FAM107B: variants seen among roughly 807,000 people sequenced by gnomAD.
FAM107B encodes the protein family with sequence similarity 107 member B.
Under a neutral mutation model 31.5 loss-of-function variants are expected in FAM107B, and 21 were observed. The observed-to-expected ratio is 0.67, with a 90% CI of 0.47 to 0.96. FAM107B has a LOEUF of 0.96. Among genes scored for constraint, FAM107B ranks in the 40% least tolerant of loss-of-function variants. FAM107B has a pLI of 0.00. For synonymous variants in FAM107B, 157 were observed against 141.5 expected, an observed-to-expected ratio of 1.11 and a Z score of -0.78; for missense variants, 452 against 377.1, an observed-to-expected ratio of 1.20 and a Z score of -1.64.
rs1294969542 is a variant in FAM107B, at chr10:14,671,872, TA to T, written c.412-4182del. 7.4e-3 allele frequency among the ~76,000 whole-genome samples: 248 copies of T among 33,570 alleles called. 5 individuals carry two copies. In the East Asian group the frequency reaches 0.14, roughly 19 times the overall value. The allele number at this position is 33,570 out of a possible 152,430, so 22.0% of individuals were successfully genotyped here. A position where few individuals can be genotyped will look rare whatever the true frequency, so the allele number is the denominator to read the frequency against. ...GGCAGCTAATACACTCCCTTTTATT[TA>T]AAAAAAAAAAACAAAAAAACAAAAA... On this transcript the variant is annotated intron_variant, in intron 1 of 4. Coordinates refer to ENST00000181796, the MANE Select transcript of FAM107B (RefSeq NM_031453.4).
chr10:14,583,437 C>T (rs1012166168), intron 2 of FAM107B, among the ~76,000 whole-genome samples: 3 of 152,158 alleles, frequency 2.0e-5, no homozygotes, highest in Non-Finnish European at 4.4e-5. Flanking sequence ...GACCACAGAA[C>T]TCTGAAAACA....
At chr10:14,689,789 C>T (rs1855083318) in intron 1 of FAM107B, among the ~76,000 whole-genome samples, 1 of 151,742 alleles carries the variant, frequency 6.6e-6, no homozygotes, top group African/African-American at 2.4e-5. Flanking sequence ...AGCAAGAGCC[C>T]ATCTCTACAA....
chr10:14,772,682 T>A (rs1437004616), intron 1 of FAM107B, among the ~76,000 whole-genome samples: 1 of 152,116 alleles, frequency 6.6e-6, no homozygotes, highest in Non-Finnish European at 1.5e-5. Context: ...TACAATGTCC[T>A]CTCTGCTCCG....
rs373163127 is a variant in FAM107B, at chr10:14,774,366, G to A, written c.298C>T (p.Gln100Ter). 1.1e-5 allele frequency: 17 copies of A among 1,614,088 alleles called. No homozygotes were observed. Among genetic ancestry groups the A allele is most frequent in the Middle Eastern group, 1.6e-4 (1 of 6,084 alleles). The change falls in exon 1 of 5, where the codon CAG becomes TAG. Residue 100 changes from glutamine (Q) to a stop codon, truncating the protein, a stop_gained. Transcript: ENST00000181796. LOFTEE classifies it high-confidence loss of function. The part of the protein sequence containing the change: ...NRNSSHRTAA[Q>*]PAETPEDVPG... ...ACATCTTCAGGCGTCTCCGCGGGCT[G>A]GGCCGCAGTGCGGTGACTTGAATTC...
intron 2 of FAM107B, among the ~76,000 whole-genome samples, chr10:14,562,813 C>CA (rs1482743644): frequency 3.3e-5 from 5 of 152,222 alleles, no homozygotes; most frequent in African/African-American, 1.2e-4. Context: ...CACAATAACT[C>CA]AGAAGTCGAT....
intron 1 of FAM107B, among the ~76,000 whole-genome samples, chr10:14,717,305 G>C (rs1855802249): frequency 6.6e-6 from 1 of 152,170 alleles, no homozygotes; most frequent in Non-Finnish European, 1.5e-5. Context: ...GAACCAATCA[G>C]ATCGGTGTGT....
chr10:14,746,054 CCTTT>C (rs56928775), intron 1 of FAM107B, among the ~76,000 whole-genome samples: 13,109 of 151,982 alleles, frequency 0.086, 583 homozygotes, highest in East Asian at 0.14. Flanking sequence ...ATTATGAATG[CCTTT>C]CTTTGTCTTT....
At chr10:14,720,627 G>C (rs1469831689) in intron 1 of FAM107B, among the ~76,000 whole-genome samples, 2 of 152,126 alleles carry the variant, frequency 1.3e-5, no homozygotes, top group Non-Finnish European at 2.9e-5. Flanking sequence ...ATTAGCTGAA[G>C]GGTTATTTTA....
At position 14,774,404 on chromosome 10, in the gene FAM107B, C is replaced by A. The variant is rs780227563; in HGVS notation, c.260G>T (p.Gly87Val). Residue 87 changes from glycine (G) to valine (V), a missense_variant, in exon 1 of 5, where the codon GGC (glycine) becomes GTC (valine). Physicochemically the swap from Gly to Val is moderately radical, Grantham distance 109. Coordinates refer to ENST00000181796, the MANE Select transcript of FAM107B (RefSeq NM_031453.4). ...QDSSTHAERN[G>V]SANRNSSHRT... Reference sequence around the variant, plus strand: ...GTGACTTGAATTCCGATTCGCACTGCCATTTCTCTCTGCATGGGTGCTCGA... The same window carrying A: ...GTGACTTGAATTCCGATTCGCACTGACATTTCTCTCTGCATGGGTGCTCGA... The A allele has an allele frequency of 1.2e-6, 2 of 1,614,242 alleles. No individual in the cohort carries two copies. The highest frequency in any genetic ancestry group is 1.7e-6 in the Non-Finnish European group (2 of 1,180,044).
intron 1 of FAM107B, among the ~76,000 whole-genome samples, chr10:14,720,603 G>C (rs575036529): frequency 3.3e-5 from 5 of 152,250 alleles, no homozygotes; most frequent in African/African-American, 1.2e-4. Context: ...GGCTTTATCA[G>C]CTCCAATTCA....
intron 2 of FAM107B, among the ~76,000 whole-genome samples, chr10:14,600,062 T>C (rs901074079): frequency 6.6e-6 from 1 of 152,212 alleles, no homozygotes; most frequent in Non-Finnish European, 1.5e-5. Context: ...ACAGCTCATC[T>C]GAGTCCGAAT....
At position 14,561,558 on chromosome 10, in the gene FAM107B, G is replaced by A. The variant is rs577329020; in HGVS notation, c.470-31043C>T. 2.4e-4 allele frequency among the ~76,000 whole-genome samples: 37 copies of A among 152,256 alleles called. No individual in the cohort carries two copies. In the East Asian group the frequency reaches 6.6e-3, roughly 27 times the overall value. ...AGGGAGGCGGCATGATCAGGAACTG[G>A]GTTATGGTAAGGCTTCCTACCCTCA... On this transcript the variant is annotated intron_variant, in intron 2 of 4. Transcript: ENST00000181796.
chr10:14,772,126 G>A (rs773206004), intron 1 of FAM107B, among the ~76,000 whole-genome samples: 2 of 152,002 alleles, frequency 1.3e-5, no homozygotes, highest in African/African-American at 2.4e-5. Context: ...GAGGCTGGGC[G>A]GGGGAGTCAT....
intron 2 of FAM107B, among the ~76,000 whole-genome samples, chr10:14,664,159 C>T (rs1032128829): frequency 1.3e-5 from 2 of 152,208 alleles, no homozygotes; most frequent in African/African-American, 4.8e-5. Flanking sequence ...TGTATTCTAC[C>T]TTTTCTCCTA....
intron 1 of FAM107B, among the ~76,000 whole-genome samples, chr10:14,741,652 C>T (rs1341415911): frequency 6.6e-6 from 1 of 150,392 alleles, no homozygotes; most frequent in African/African-American, 2.5e-5. Context: ...TTATTTTTTT[C>T]TTATGTTACA....
At chr10:14,636,153 A>T (rs1177280886) in intron 2 of FAM107B, among the ~76,000 whole-genome samples, 1 of 151,856 alleles carries the variant, frequency 6.6e-6, no homozygotes, top group African/African-American at 2.4e-5. Context: ...GGCTACCTTC[A>T]CCAATCAATC....
At chr10:14,551,932 C>T (rs1008673140) in intron 2 of FAM107B, among the ~76,000 whole-genome samples, 5 of 152,152 alleles carry the variant, frequency 3.3e-5, no homozygotes, top group African/African-American at 4.8e-5. Flanking sequence ...AACCCTACAG[C>T]GGTTGGACTG....
intron 2 of FAM107B, among the ~76,000 whole-genome samples, chr10:14,629,410 A>AAATATAT (rs1491489748): frequency 4.7e-5 from 1 of 21,182 alleles, no homozygotes; most frequent in Non-Finnish European, 8.3e-5. Flanking sequence ...TATATATTTA[A>AAATATAT]TATATATAAT....
chr10:14,544,529 A>T (rs1163292515), intron 2 of FAM107B, among the ~76,000 whole-genome samples: 2 of 152,230 alleles, frequency 1.3e-5, no homozygotes, highest in Non-Finnish European at 2.9e-5. Flanking sequence ...TACATTTAGA[A>T]AATCAGCATC....
Sources: allele counts gnomAD v4.1 joint callset (sites outside exome capture counted in the v4.1 genomes callset), GRCh38; gene constraint gnomAD v4.1.1; transcripts MANE v1.5; gene names NCBI Gene and HGNC (gene_info 2026-07-23, HGNC 2026-07-21).